The following VAV2 variants were observed in gnomAD, a reference collection of about 807,000 sequenced individuals.
The protein encoded by VAV2 is guanine nucleotide exchange factor VAV2.
A neutral mutation model predicts 132.5 loss-of-function variants in VAV2; 67 were observed. That is an observed-to-expected ratio of 0.51 (90% CI 0.42 to 0.62). VAV2 has a LOEUF of 0.62. VAV2 is among the 20% of genes least tolerant of loss of function. The pLI is 0.00. For missense variants in VAV2, 938 were observed against 1,153.6 expected, an observed-to-expected ratio of 0.81 and a Z score of 2.71; for synonymous variants, 492 against 443.5, an observed-to-expected ratio of 1.11 and a Z score of -1.37.
chr9:133,934,038 A>G (rs529019241), intron 2 of VAV2, among the ~76,000 whole-genome samples: 1 of 140,910 alleles, frequency 7.1e-6, no homozygotes, highest in Non-Finnish European at 1.5e-5. Context: ...GTGGATGGGT[A>G]GATGGATGGA....
At chr9:133,944,398 G>C (rs1244342017) in intron 1 of VAV2, among the ~76,000 whole-genome samples, 1 of 152,236 alleles carries the variant, frequency 6.6e-6, no homozygotes, top group Non-Finnish European at 1.5e-5. Flanking sequence ...CCACTTGCCT[G>C]AGTCACATAG....
At chr9:133,773,005 C>T (rs1171932849) in intron 25 of VAV2, among the ~76,000 whole-genome samples, 1 of 143,824 alleles carries the variant, frequency 7.0e-6, no homozygotes, top group Non-Finnish European at 1.5e-5. Context: ...TACTGCACAC[C>T]CCACACCTAG....
chr9:133,850,999 G>A (rs1206355394), intron 3 of VAV2, among the ~76,000 whole-genome samples: 1 of 152,228 alleles, frequency 6.6e-6, no homozygotes, highest in Non-Finnish European at 1.5e-5. Flanking sequence ...CCTAGGGCAG[G>A]TGTGATGCTC....
intron 2 of VAV2, 59 bp downstream of exon 2, chr9:133,939,044 G>T: frequency 1.3e-6 from 2 of 1,515,006 alleles, no homozygotes; most frequent in Non-Finnish European, 9.2e-7. Context: ...ACCTGCCGCT[G>T]AGCCGGCAAA....
At chr9:133,904,502 G>A (rs571005236) in intron 2 of VAV2, among the ~76,000 whole-genome samples, 16 of 152,348 alleles carry the variant, frequency 1.1e-4, no homozygotes, top group African/African-American at 2.4e-4. Context: ...GGCTCAGGAC[G>A]GCAAATGCAC....
At position 133,857,876 on chromosome 9, in the gene VAV2, G is replaced by C. The variant is rs1226231632; in HGVS notation, c.380+3498C>G. On this transcript the variant is annotated intron_variant, in intron 3 of 29. Transcript: ENST00000371850. The surrounding 1 kb of genome is among the most constrained non-coding windows in gnomAD (Gnocchi z 4.0). The stretch of plus-strand genomic sequence containing the variant: ...CCAGAGTGGGGCTCAGAGGAGGGAG[G>C]GTGGAGGAGAAGGGCAGGAAAGCCA... Among the ~76,000 whole-genome samples the C allele has an allele frequency of 6.3e-4, 96 of 152,228 alleles. No individual in the cohort carries two copies. The highest frequency in any genetic ancestry group is 1.5e-5 in the Non-Finnish European group (1 of 68,032).
chr9:133,834,417 G>A lies in VAV2; in HGVS notation c.381-77C>T. On this transcript the variant is annotated intron_variant, in intron 3 of 29. Transcript: ENST00000371850. This position sits in a 1 kb window ranked among gnomAD's most constrained non-coding sequence, Gnocchi z 5.9. ...AGTGGGACCCCAGCTGGACCCCACA[G>A]CAGAGCCCAGTGTGGCCCAGCCAGG... 3 of 1,488,230 alleles carry A rather than the reference G, an allele frequency of 2.0e-6. No homozygotes were observed. Among genetic ancestry groups the A allele is most frequent in the Middle Eastern group, 1.7e-4 (1 of 5,832 alleles). The allele number at this position is 1,488,230 out of a possible 1,614,324, so 92.2% of individuals were successfully genotyped here.
At position 133,768,609 on chromosome 9, in the gene VAV2, A is replaced by G; in HGVS notation, c.2435-13T>C. On this transcript the variant is annotated splice_polypyrimidine_tract_variant and intron_variant, in intron 28 of 29. Transcript: ENST00000371850. This position sits in a 1 kb window ranked among gnomAD's most constrained non-coding sequence, Gnocchi z 5.3. ...CGGGGCGTGAACACTGTTGAGGGAG[A>G]TGGGCAGCATCACACAGCTGCAGGA... 1 of 1,611,988 alleles carries G rather than the reference A, an allele frequency of 6.2e-7. No individual in the cohort carries two copies. Among genetic ancestry groups the G allele is most frequent in the East Asian group, 2.2e-5 (1 of 44,830 alleles).
At position 133,784,300 on chromosome 9, in the gene VAV2, C is replaced by G; in HGVS notation, c.1634+17G>C. On this transcript the variant is annotated intron_variant, in intron 18 of 29. Coordinates refer to ENST00000371850, the MANE Select transcript of VAV2 (RefSeq NM_001134398.2). ...GCGTGGAGCGAGGTGAGGGCTGTAG[C>G]AGGGGGTTTCCCACACCTGAGGAAC... The G allele has an allele frequency of 6.2e-7, 1 of 1,612,668 alleles. No individual in the cohort carries two copies. The highest frequency in any genetic ancestry group is 8.5e-7 in the Non-Finnish European group (1 of 1,178,636).
chr9:133,795,749 G>C lies in VAV2; in HGVS notation c.1033-13C>G, dbSNP rs756822846. ...GGCTCAGAAGCTCCTGGAAGGGTGA[G>C]AAGAGTGTCATGTGTTACCACTCGG... On this transcript the variant is annotated splice_polypyrimidine_tract_variant and intron_variant, in intron 11 of 29. Transcript: ENST00000371850. The C allele has an allele frequency of 7.4e-6, 12 of 1,613,050 alleles. No individual in the cohort carries two copies. The South Asian group carries it at 1.2e-4, about 16-fold the overall frequency.
chr9:133,773,719 C>T (rs964181831), intron 25 of VAV2, among the ~76,000 whole-genome samples: 17 of 152,012 alleles, frequency 1.1e-4, no homozygotes, highest in Non-Finnish European at 4.4e-5. Context: ...GAAGGACGTG[C>T]CTGAGGCTGT....
intron 2 of VAV2, among the ~76,000 whole-genome samples, chr9:133,923,238 G>A (rs1840358123): frequency 6.6e-6 from 1 of 152,168 alleles, no homozygotes; most frequent in African/African-American, 2.4e-5. Flanking sequence ...ACAGCTGGTG[G>A]TCATGGAAAA....
chr9:133,822,764 TA>T (rs937838258), intron 4 of VAV2, among the ~76,000 whole-genome samples: 2 of 152,124 alleles, frequency 1.3e-5, no homozygotes, highest in Admixed American at 6.5e-5. Context: ...TTCTAAGCAG[TA>T]AAAGAGCCTC....
At chr9:133,793,455 G>A (rs899358597) in intron 12 of VAV2, among the ~76,000 whole-genome samples, 1 of 152,166 alleles carries the variant, frequency 6.6e-6, no homozygotes, top group African/African-American at 2.4e-5. Flanking sequence ...GCAGCACGCT[G>A]TCTGAAAGGG....
chr9:133,917,907 C>T (rs559798805), intron 2 of VAV2, among the ~76,000 whole-genome samples: 1 of 151,516 alleles, frequency 6.6e-6, no homozygotes, highest in Non-Finnish European at 1.5e-5. Context: ...TGGTCCCCCG[C>T]CCTGGTCCCC....
intron 6 of VAV2, 47 bp downstream of exon 6, chr9:133,810,144 G>C: frequency 1.2e-6 from 2 of 1,612,068 alleles, no homozygotes; most frequent in Non-Finnish European, 1.7e-6. Context: ...AGGTCAAGAA[G>C]ACGGCGCAGG....
At chr9:133,962,167 A>G (rs551301946) in intron 1 of VAV2, among the ~76,000 whole-genome samples, 5 of 152,134 alleles carry the variant, frequency 3.3e-5, no homozygotes, top group Non-Finnish European at 7.4e-5. Flanking sequence ...CTGGGCACAG[A>G]GGGGGATGAA....
At chr9:133,957,000 C>T (rs756175525) in intron 1 of VAV2, among the ~76,000 whole-genome samples, 5 of 152,190 alleles carry the variant, frequency 3.3e-5, no homozygotes, top group Admixed American at 6.5e-5. Flanking sequence ...CAGCACCCAC[C>T]CACCTGCCCA....
intron 2 of VAV2, among the ~76,000 whole-genome samples, chr9:133,907,987 A>G (rs943442524): frequency 6.9e-5 from 1 of 14,412 alleles, no homozygotes; most frequent in Non-Finnish European, 1.3e-4. Flanking sequence ...CTCCCACCCC[A>G]CCCCCCTTCC....
Sources: allele counts gnomAD v4.1 joint callset (sites outside exome capture counted in the v4.1 genomes callset), GRCh38; gene constraint gnomAD v4.1.1; non-coding constraint Gnocchi (gnomAD v3.1); transcripts MANE v1.5; gene names NCBI Gene and HGNC (gene_info 2026-07-23, HGNC 2026-07-21).